ESRRG: variants seen among roughly 807,000 people sequenced by gnomAD.
ESRRG encodes the protein estrogen-related receptor gamma.
Under a neutral mutation model 44.0 loss-of-function variants are expected in ESRRG, and 13 were observed. That is an observed-to-expected ratio of 0.30 (90% CI 0.19 to 0.47). ESRRG has a LOEUF of 0.47. Ranked by LOEUF, ESRRG falls within the 20% of genes least tolerant of loss-of-function variation. The pLI is 1.00. For missense variants in ESRRG, 395 were observed against 580.6 expected (o/e 0.68, Z 3.29); for synonymous variants, 215 against 214.6 (o/e 1.00, Z -0.02).
At chr1:216,527,584 T>A (rs1044309598) in intron 5 of ESRRG, among the ~76,000 whole-genome samples, 15 of 152,144 alleles carry the variant, frequency 9.9e-5, no homozygotes, top group Admixed American at 9.2e-4. Context: ...TTAAGTGAGC[T>A]CATTTTCCTA....
chr1:216,714,569 T>G (rs1204875441), intron 1 of ESRRG: 2 of 982,364 alleles, frequency 2.0e-6, no homozygotes, highest in African/African-American at 3.5e-5. Flanking sequence ...GGTGACCACA[T>G]TCTCAGGATA....
At chr1:216,795,342 CTTTTT>C (rs35142972) in intron 2 of ESRRG, among the ~76,000 whole-genome samples, 1 of 105,432 alleles carries the variant, frequency 9.5e-6, no homozygotes, top group Non-Finnish European at 1.8e-5. Context: ...TTTTCTTTTT[CTTTTT>C]TTTTTTTTTT....
At chr1:217,094,962 A>C (rs1440019662) in intron 1 of ESRRG, among the ~76,000 whole-genome samples, 1 of 152,236 alleles carries the variant, frequency 6.6e-6, no homozygotes, top group Non-Finnish European at 1.5e-5. Context: ...ACCAGGTTTC[A>C]TTATAGCTCT....
chr1:217,120,513 G>A (rs961183692), intron 1 of ESRRG, among the ~76,000 whole-genome samples: 2 of 151,152 alleles, frequency 1.3e-5, no homozygotes, highest in South Asian at 2.1e-4. Flanking sequence ...ATTTAAAATG[G>A]CATCTCATTC....
chr1:216,883,094 C>T (rs2096468719), intron 2 of ESRRG, among the ~76,000 whole-genome samples: 1 of 152,048 alleles, frequency 6.6e-6, no homozygotes, highest in African/African-American at 2.4e-5. Context: ...ATACTTTGCT[C>T]AGGCTGGGCG....
intron 3 of ESRRG, among the ~76,000 whole-genome samples, chr1:216,650,343 A>G (rs2068642428): frequency 6.6e-6 from 1 of 152,178 alleles, no homozygotes; most frequent in African/African-American, 2.4e-5. Context: ...GACCTTTGAC[A>G]TGTGTGGAAT....
Position 216,723,426 on chromosome 1 carries a change from G to C in ESRRG, c.-127C>G, listed in dbSNP as rs1219071514. On this transcript the variant is annotated 5_prime_UTR_variant, in exon 1 of 7. Coordinates refer to ENST00000408911, the MANE Select transcript of ESRRG (RefSeq NM_001438.4). ...ATAGGCACAGCCAGTTGGGACCAAA[G>C]CTCTCACACTCTCCTAATCAAGGAC... 15 of 805,144 alleles carry C rather than the reference G, an allele frequency of 1.9e-5. No individual in the cohort carries two copies. Among genetic ancestry groups the C allele is most frequent in the African/African-American group, 5.1e-5 (3 of 58,378 alleles). 49.9% of individuals were successfully genotyped at this position (805,144 alleles called of 1,614,324 possible).
chr1:216,971,049 T>A (rs932506725), intron 1 of ESRRG, among the ~76,000 whole-genome samples: 2 of 152,144 alleles, frequency 1.3e-5, no homozygotes, highest in African/African-American at 4.8e-5. Flanking sequence ...GACAGGACAT[T>A]CTCTTGGGTG....
intron 2 of ESRRG, chr1:216,936,609 C>A (rs2064190127): frequency 6.6e-6 from 1 of 151,636 alleles, no homozygotes; most frequent in African/African-American, 2.4e-5. Context: ...TAGCTATGAA[C>A]AAACTTCATT....
intron 1 of ESRRG, among the ~76,000 whole-genome samples, chr1:217,098,020 C>A (rs145242544): frequency 6.6e-6 from 1 of 152,142 alleles, no homozygotes; most frequent in Non-Finnish European, 1.5e-5. Context: ...GCTTTACAAT[C>A]CCCAAGTGAT....
At chr1:217,055,313 TG>T (rs1371717778) in intron 1 of ESRRG, among the ~76,000 whole-genome samples, 1 of 151,966 alleles carries the variant, frequency 6.6e-6, no homozygotes, top group African/African-American at 2.4e-5. Flanking sequence ...AAACAAGATG[TG>T]GGGTTTCATT....
At chr1:217,084,361 A>G (rs949113998) in intron 1 of ESRRG, among the ~76,000 whole-genome samples, 1 of 152,206 alleles carries the variant, frequency 6.6e-6, no homozygotes, top group African/African-American at 2.4e-5. Flanking sequence ...TTTTACATAT[A>G]TGGAAATTTG....
chr1:217,075,830 C>T (rs1317167069), intron 1 of ESRRG, among the ~76,000 whole-genome samples: 1 of 152,080 alleles, frequency 6.6e-6, no homozygotes, highest in Non-Finnish European at 1.5e-5. Context: ...AAGAGTTTGC[C>T]AGATAAAATC....
At chr1:216,955,690 C>T (rs1453164385) in intron 1 of ESRRG, among the ~76,000 whole-genome samples, 1 of 152,136 alleles carries the variant, frequency 6.6e-6, no homozygotes, top group African/African-American at 2.4e-5. Flanking sequence ...CTTTTCTCTG[C>T]ATCCTCACCA....
At chr1:216,533,312 C>A (rs551454322) in intron 5 of ESRRG, among the ~76,000 whole-genome samples, 4 of 151,952 alleles carry the variant, frequency 2.6e-5, no homozygotes, top group Non-Finnish European at 4.4e-5. Context: ...ATGCTGCATT[C>A]GCAGGATAAT....
chr1:216,551,262 T>G, intron 5 of ESRRG, among the ~76,000 whole-genome samples: 1 of 152,172 alleles, frequency 6.6e-6, no homozygotes, highest in East Asian at 1.9e-4. Flanking sequence ...TATACTTTGT[T>G]TAGTGCATAA....
rs768590148 is a variant in ESRRG, at chr1:216,519,350, C to T, written c.934G>A (p.Gly312Ser). 25 of 1,613,588 alleles carry T rather than the reference C, an allele frequency of 1.5e-5. No homozygotes were observed. The highest frequency in any genetic ancestry group is 1.9e-5 in the Non-Finnish European group (23 of 1,179,746). ...QSAWMEILIL[G>S]VVYRSLSFED... ...AACGAAAGAGACCGGTATACGACAC[C>T]AAGGATCAAAATTTCCATCCAAGCA... Residue 312 changes from glycine (G) to serine (S), a missense_variant, in exon 6 of 7, where the codon GGT becomes AGT. This residue lies in a region of ESRRG where 167 missense variants were observed against 251.8 expected (regional missense o/e 0.66). Coordinates refer to ENST00000408911, the MANE Select transcript of ESRRG (RefSeq NM_001438.4).
At chr1:217,115,472 A>G (rs940900525) in intron 1 of ESRRG, among the ~76,000 whole-genome samples, 6 of 151,908 alleles carry the variant, frequency 3.9e-5, no homozygotes, top group Admixed American at 2.0e-4. Flanking sequence ...TACCCACCCA[A>G]CAACCTCTCT....
chr1:216,934,570 G>A (rs1174019270), intron 2 of ESRRG, among the ~76,000 whole-genome samples: 4 of 152,138 alleles, frequency 2.6e-5, no homozygotes, highest in African/African-American at 7.2e-5. Flanking sequence ...GCAGAAAAGC[G>A]AGAATGAGAG....
Sources: gnomAD v4.1 joint callset for allele counts (sites outside exome capture counted in the v4.1 genomes callset) on GRCh38, gnomAD v4.1.1 for gene constraint, gnomAD v4.1.1 regional missense constraint, MANE v1.5 for transcripts, NCBI Gene and HGNC (gene_info 2026-07-23, HGNC 2026-07-21) for gene names.